CEP192: variants seen among roughly 807,000 people sequenced by gnomAD.
CEP192 encodes centrosomal protein of 192 kDa.
In CEP192, 151 loss-of-function variants were observed where a neutral mutation model predicts 271.8. The ratio of observed to expected loss-of-function variants is 0.56; its 90% confidence interval spans 0.49 to 0.64. CEP192 has a LOEUF of 0.64. Ranked by LOEUF, CEP192 falls within the 30% of genes least tolerant of loss-of-function variation. CEP192 has a pLI of 0.00. For missense variants in CEP192, 2,910 were observed against 3,020.5 expected, an observed-to-expected ratio of 0.96 and a Z score of 0.86; for synonymous variants, 995 against 1,076.5, an observed-to-expected ratio of 0.92 and a Z score of 1.48.
chr18:13,038,954 CT>C (rs1033883587), intron 13 of CEP192, among the ~76,000 whole-genome samples: 4 of 152,158 alleles, frequency 2.6e-5, no homozygotes, highest in African/African-American at 9.7e-5. Flanking sequence ...TCTAAAATTG[CT>C]TTTTAAAAAC....
In CEP192 at chr18:13,009,623, A is replaced by G. The variant is rs180854924; in HGVS notation, c.466+992A>G. On this transcript the variant is annotated intron_variant, in intron 4 of 44. Coordinates refer to ENST00000506447, the MANE Select transcript of CEP192 (RefSeq NM_032142.4). ...TGAGGTGGGCAGATCACCTGAGGTC[A>G]GAAGTTCAAGACTAGCCTGGCCAAC... Among the ~76,000 whole-genome samples the G allele has an allele frequency of 4.7e-3, 719 of 152,170 alleles. 10 individuals carry two copies. The highest frequency in any genetic ancestry group is 0.017 in the African/African-American group (687 of 41,530).
chr18:13,065,258 A>C (rs548862982), intron 21 of CEP192, among the ~76,000 whole-genome samples: 1 of 152,224 alleles, frequency 6.6e-6, no homozygotes, highest in South Asian at 2.1e-4. Context: ...TTCAGGTTAG[A>C]CAAGATAATT....
At chr18:13,017,385 A>C in intron 7 of CEP192, 49 bp downstream of exon 7, 1 of 1,359,384 alleles carries the variant, frequency 7.4e-7, no homozygotes, top group Non-Finnish European at 9.9e-7. Context: ...TTAGAAAATT[A>C]CTATTGGTCT....
chr18:13,111,469 A>G (rs2040208139), intron 40 of CEP192, among the ~76,000 whole-genome samples: 2 of 152,172 alleles, frequency 1.3e-5, no homozygotes, highest in African/African-American at 4.8e-5. Flanking sequence ...CTAGTACCAT[A>G]TACAGAGATT....
chr18:13,098,641 TCCTC>T, intron 36 of CEP192, among the ~76,000 whole-genome samples: 1 of 145,666 alleles, frequency 6.9e-6, no homozygotes, highest in Middle Eastern at 3.5e-3. Context: ...GAAGAGGCGC[TCCTC>T]CCTTCCTAGA....
intron 37 of CEP192, 47 bp downstream of exon 37, chr18:13,099,628 T>G (rs2039613781): frequency 3.3e-6 from 3 of 902,676 alleles, no homozygotes; most frequent in Non-Finnish European, 5.2e-6. Flanking sequence ...ACAATTCTGT[T>G]TGTAGCTTCA....
chr18:12,999,828 A>ATTTT lies in CEP192; in HGVS notation c.164+255_164+258dup, dbSNP rs36207281. Among the ~76,000 whole-genome samples, 3 of 124,038 alleles carry ATTTT rather than the reference A, an allele frequency of 2.4e-5. 1 individual carries two copies. Among genetic ancestry groups the ATTTT allele is most frequent in the African/African-American group, 8.3e-5 (3 of 36,074 alleles). 81.4% of individuals were successfully genotyped at this position (124,038 alleles called of 152,430 possible). ...GAGCACCAGTTACCTATTTCGGTCT[A>ATTTT]TTTTTTTTTTTTTTTTTTGTCTATA... On this transcript the variant is annotated intron_variant, in intron 2 of 44. Transcript: ENST00000506447.
intron 30 of CEP192, among the ~76,000 whole-genome samples, chr18:13,080,890 T>G (rs8093650): frequency 0.14 from 21,896 of 152,174 alleles, 1,722 homozygotes; most frequent in East Asian, 0.31. Flanking sequence ...CATCTATTGA[T>G]ATAATTATGT....
intron 38 of CEP192, among the ~76,000 whole-genome samples, chr18:13,103,096 C>G (rs184806347): frequency 6.6e-6 from 1 of 152,202 alleles, no homozygotes; most frequent in Admixed American, 6.5e-5. Context: ...GCCACACATG[C>G]GCATGTCTTT....
rs375288089 is a variant in CEP192, at chr18:13,105,110, A to G, written c.7047+31A>G. Reference sequence around the variant, plus strand: ...TTTTGATATTTTTTTCCATAGGAACATCATGTAAATTGTCCAGGAGTGCCT... The same window carrying G: ...TTTTGATATTTTTTTCCATAGGAACGTCATGTAAATTGTCCAGGAGTGCCT... On this transcript the variant is annotated intron_variant, in intron 40 of 44. Coordinates refer to ENST00000506447, the MANE Select transcript of CEP192 (RefSeq NM_032142.4). 1.4e-5 allele frequency: 21 copies of G among 1,473,998 alleles called. No homozygotes were observed. The African/African-American group carries it at 2.6e-4, about 18-fold the overall frequency. The allele number at this position is 1,473,998 out of a possible 1,614,324, so 91.3% of individuals were successfully genotyped here. A position where few individuals can be genotyped will look rare whatever the true frequency, so the allele number is the denominator to read the frequency against.
At chr18:13,112,100 A>G (rs917460884) in intron 40 of CEP192, among the ~76,000 whole-genome samples, 12 of 152,262 alleles carry the variant, frequency 7.9e-5, no homozygotes, top group African/African-American at 1.4e-4. Flanking sequence ...GAATTACTGC[A>G]TGACCCAGCA....
chr18:13,078,191 T>A (rs2038391806), intron 30 of CEP192, among the ~76,000 whole-genome samples: 1 of 152,182 alleles, frequency 6.6e-6, no homozygotes, highest in Non-Finnish European at 1.5e-5. Context: ...TGGTGTCTGG[T>A]TTTCTGTTCC....
At chr18:13,009,557 G>A (rs1335566788) in intron 4 of CEP192, among the ~76,000 whole-genome samples, 3 of 152,246 alleles carry the variant, frequency 2.0e-5, no homozygotes, top group African/African-American at 7.2e-5. Flanking sequence ...CTCGGGCCAG[G>A]CATGGTGGCT....
chr18:13,033,647 G>T (rs982495912), intron 11 of CEP192, among the ~76,000 whole-genome samples: 1 of 152,192 alleles, frequency 6.6e-6, no homozygotes, highest in Non-Finnish European at 1.5e-5. Flanking sequence ...TGATAACAAC[G>T]TTAGAAGCAA....
At chr18:13,084,248 T>C (rs1044037383) in intron 30 of CEP192, among the ~76,000 whole-genome samples, 1 of 152,188 alleles carries the variant, frequency 6.6e-6, no homozygotes, top group Non-Finnish European at 1.5e-5. Flanking sequence ...ATAGAGGTTG[T>C]AGGCATTGCA....
intron 29 of CEP192, 80 bp downstream of exon 29, chr18:13,072,925 T>G (rs2038089576): frequency 6.5e-7 from 1 of 1,543,748 alleles, no homozygotes; most frequent in Non-Finnish European, 8.9e-7. Flanking sequence ...TTTGTGTTAT[T>G]TAGCTTTTAA....
intron 21 of CEP192, among the ~76,000 whole-genome samples, chr18:13,061,139 A>G (rs1387894703): frequency 6.6e-6 from 1 of 152,158 alleles, no homozygotes; most frequent in Admixed American, 6.5e-5. Flanking sequence ...CCTGGCCAAC[A>G]TGGCAAAACC....
chr18:13,020,341 T>C (rs1473879739), intron 9 of CEP192, among the ~76,000 whole-genome samples: 10 of 152,208 alleles, frequency 6.6e-5, no homozygotes, highest in Admixed American at 6.5e-4. Context: ...TATTTGGCCT[T>C]CTGTGTCTGG....
chr18:13,106,211 C>G (rs1220193444), intron 40 of CEP192, among the ~76,000 whole-genome samples: 1 of 152,068 alleles, frequency 6.6e-6, no homozygotes, highest in African/African-American at 2.4e-5. Context: ...CAAATATATA[C>G]AACTATGATC....
Sources: allele counts gnomAD v4.1 joint callset (sites outside exome capture counted in the v4.1 genomes callset), GRCh38; gene constraint gnomAD v4.1.1; transcripts MANE v1.5; gene names NCBI Gene and HGNC (gene_info 2026-07-23, HGNC 2026-07-21).